Variants in NSMCE2 observed in about 807,000 individuals in gnomAD.
The protein encoded by NSMCE2 is NSE2 SUMO ligase component of SMC5/6 complex, also known as E3 SUMO-protein ligase NSE2.
In NSMCE2, 24 loss-of-function variants were observed where a neutral mutation model predicts 23.8. The observed-to-expected ratio is 1.01, with a 90% CI of 0.73 to 1.42. NSMCE2 has a LOEUF of 1.42. NSMCE2 is among the 40% of genes most tolerant of loss of function. The pLI, the probability that NSMCE2 is intolerant of heterozygous loss-of-function variation, is 0.00. For synonymous variants in NSMCE2, 92 were observed against 94.1 expected (o/e 0.98, Z 0.13); for missense variants, 284 against 296.5 (o/e 0.96, Z 0.31).
intron 4 of NSMCE2, among the ~76,000 whole-genome samples, chr8:125,171,382 C>T (rs1259964999): frequency 1.3e-5 from 2 of 152,140 alleles, no homozygotes; most frequent in Non-Finnish European, 2.9e-5. Flanking sequence ...ATGGACTTAG[C>T]GATATAACAG....
intron 5 of NSMCE2, among the ~76,000 whole-genome samples, chr8:125,239,923 T>A (rs746187267): frequency 1.2e-4 from 19 of 152,108 alleles, no homozygotes; most frequent in Non-Finnish European, 8.8e-5. Flanking sequence ...GAGAAGTAAG[T>A]AAGTGTGTCG....
chr8:125,321,557 A>G (rs1240006551), intron 5 of NSMCE2, among the ~76,000 whole-genome samples: 1 of 152,244 alleles, frequency 6.6e-6, no homozygotes, highest in Non-Finnish European at 1.5e-5. Context: ...CATTACCCTG[A>G]TGCCAAAACC....
chr8:125,357,756 C>G lies in NSMCE2; in HGVS notation c.564C>G (p.Thr188=). The G allele has an allele frequency of 6.2e-7, 1 of 1,614,084 alleles. No individual in the cohort carries two copies. Among genetic ancestry groups the G allele is most frequent in the Non-Finnish European group, 8.5e-7 (1 of 1,179,976 alleles). ...KPVKNKVCGH[T]YEEDAIVRMI... is the part of the protein sequence containing the mutation. The stretch of plus-strand genomic sequence containing the variant: ...TGAAAAATAAAGTGTGTGGCCACAC[C>G]TATGAAGAGGACGCCATTGTTCGCA... Residue 188 remains threonine (T), a synonymous_variant, in exon 7 of 8, where the codon ACC becomes ACG. Coordinates refer to ENST00000287437, the MANE Select transcript of NSMCE2 (RefSeq NM_173685.4).
At chr8:125,161,775 G>C (rs1821641609) in intron 4 of NSMCE2, among the ~76,000 whole-genome samples, 1 of 144,584 alleles carries the variant, frequency 6.9e-6, no homozygotes, top group Non-Finnish European at 1.5e-5. Flanking sequence ...TTGGGTGCCA[G>C]AGTGAGACAA....
intron 3 of NSMCE2, among the ~76,000 whole-genome samples, chr8:125,127,366 G>A (rs1456176421): frequency 6.6e-6 from 1 of 152,030 alleles, no homozygotes; most frequent in Non-Finnish European, 1.5e-5. Context: ...TCTGTGTGGG[G>A]GGAGATTGTC....
intron 5 of NSMCE2, among the ~76,000 whole-genome samples, chr8:125,197,780 G>A (rs1315548339): frequency 6.6e-6 from 1 of 152,168 alleles, no homozygotes; most frequent in African/African-American, 2.4e-5. Context: ...ATTACTTTGG[G>A]CAGTATGGCC....
At chr8:125,302,736 C>G (rs1008198844) in intron 5 of NSMCE2, among the ~76,000 whole-genome samples, 7 of 152,050 alleles carry the variant, frequency 4.6e-5, no homozygotes, top group Non-Finnish European at 1.0e-4. Context: ...GTATTCAAAC[C>G]CAGATCTGAG....
At chr8:125,246,055 G>T (rs989367273) in intron 5 of NSMCE2, among the ~76,000 whole-genome samples, 2 of 151,916 alleles carry the variant, frequency 1.3e-5, no homozygotes, top group South Asian at 2.1e-4. Flanking sequence ...ATAAAAAGAG[G>T]TATATAACCA....
At chr8:125,247,811 C>T (rs2131001589) in intron 5 of NSMCE2, among the ~76,000 whole-genome samples, 1 of 151,720 alleles carries the variant, frequency 6.6e-6, no homozygotes, top group African/African-American at 2.4e-5. Flanking sequence ...ATTAAGAGAT[C>T]AAGAGGAAAG....
chr8:125,274,493 A>C (rs1231525994), intron 5 of NSMCE2, among the ~76,000 whole-genome samples: 1 of 152,124 alleles, frequency 6.6e-6, no homozygotes, highest in East Asian at 1.9e-4. Flanking sequence ...GTCACCTACC[A>C]GTTTTCAGTT....
chr8:125,267,350 T>G (rs1202560486), intron 5 of NSMCE2, among the ~76,000 whole-genome samples: 2 of 152,152 alleles, frequency 1.3e-5, no homozygotes, highest in Admixed American at 6.5e-5. Context: ...TTGGTTTACT[T>G]TAGTGAGACA....
At chr8:125,298,482 C>T (rs1422024867) in intron 5 of NSMCE2, among the ~76,000 whole-genome samples, 2 of 152,172 alleles carry the variant, frequency 1.3e-5, no homozygotes, top group Non-Finnish European at 2.9e-5. Flanking sequence ...TGCCTGGTCC[C>T]TTAGCTCTGC....
intron 3 of NSMCE2, among the ~76,000 whole-genome samples, chr8:125,147,829 A>G (rs944702431): frequency 4.6e-5 from 7 of 152,162 alleles, no homozygotes; most frequent in African/African-American, 1.7e-4. Flanking sequence ...GCAGTCGGGA[A>G]ATAAAGGTTA....
intron 5 of NSMCE2, among the ~76,000 whole-genome samples, chr8:125,355,380 C>G (rs1243076261): frequency 6.6e-6 from 1 of 152,176 alleles, no homozygotes; most frequent in South Asian, 2.1e-4. Context: ...GGAGAAAGGA[C>G]TACACCATCA....
intron 4 of NSMCE2, among the ~76,000 whole-genome samples, chr8:125,175,901 C>A (rs1216486696): frequency 6.6e-6 from 1 of 152,198 alleles, no homozygotes; most frequent in Non-Finnish European, 1.5e-5. Flanking sequence ...TGGATGAGGA[C>A]TGAGTTCTGC....
intron 3 of NSMCE2, among the ~76,000 whole-genome samples, chr8:125,144,378 A>T (rs2130641414): frequency 6.6e-6 from 1 of 152,356 alleles, no homozygotes; most frequent in Admixed American, 6.5e-5. Context: ...TGGATTTGGG[A>T]AAGCCAATAG....
chr8:125,254,841 G>C (rs1476906747), intron 5 of NSMCE2, among the ~76,000 whole-genome samples: 2 of 152,116 alleles, frequency 1.3e-5, no homozygotes, highest in African/African-American at 4.8e-5. Context: ...TGCCATGCCA[G>C]CTGAGTCCTG....
At chr8:125,116,935 T>C (rs535153015) in intron 3 of NSMCE2, among the ~76,000 whole-genome samples, 17 of 149,870 alleles carry the variant, frequency 1.1e-4, no homozygotes, top group Non-Finnish European at 2.1e-4. Context: ...TCACCCACTC[T>C]GGTGGGCAGT....
At chr8:125,179,811 T>C (rs968583782) in intron 4 of NSMCE2, among the ~76,000 whole-genome samples, 1 of 152,172 alleles carries the variant, frequency 6.6e-6, no homozygotes, top group African/African-American at 2.4e-5. Flanking sequence ...CTTCACCTCC[T>C]CAGCAGTGGT....
Sources: gnomAD v4.1 joint callset for allele counts (sites outside exome capture counted in the v4.1 genomes callset) on GRCh38, gnomAD v4.1.1 for gene constraint, MANE v1.5 for transcripts, NCBI Gene and HGNC (gene_info 2026-07-23, HGNC 2026-07-21) for gene names.